The following MDGA2 variants were observed in gnomAD, a reference collection of about 807,000 sequenced individuals.
MDGA2 encodes MAM domain containing glycosylphosphatidylinositol anchor 2.
A neutral mutation model predicts 117.8 loss-of-function variants in MDGA2; 40 were observed. That is an observed-to-expected ratio of 0.34 (90% CI 0.26 to 0.44). The LOEUF is 0.44. Ranked by LOEUF, MDGA2 falls within the 20% of genes least tolerant of loss-of-function variation. MDGA2 has a pLI of 1.00. For synonymous variants in MDGA2, 452 were observed against 439.0 expected (o/e 1.03, Z -0.37); for missense variants, 1,123 against 1,250.6 (o/e 0.90, Z 1.54).
intron 1 of MDGA2, among the ~76,000 whole-genome samples, chr14:47,527,589 G>C (rs1296946328): frequency 6.6e-6 from 1 of 152,216 alleles, no homozygotes; most frequent in East Asian, 1.9e-4. Context: ...GAGTGATGTG[G>C]CGTGAGGTTG....
chr14:47,302,873 G>T (rs1414667538), intron 1 of MDGA2, among the ~76,000 whole-genome samples: 1 of 152,090 alleles, frequency 6.6e-6, no homozygotes, highest in African/African-American at 2.4e-5. Context: ...ACTGGAAGAT[G>T]GAAAAGACCG....
intron 2 of MDGA2, among the ~76,000 whole-genome samples, chr14:47,263,850 C>A (rs1292760415): frequency 6.6e-6 from 1 of 151,966 alleles, no homozygotes. Context: ...CAATTTTTAC[C>A]ATTTTCATAA....
chr14:47,273,394 G>A (rs1419190971), intron 2 of MDGA2, among the ~76,000 whole-genome samples: 1 of 152,068 alleles, frequency 6.6e-6, no homozygotes, highest in Non-Finnish European at 1.5e-5. Flanking sequence ...GTATACTGAG[G>A]CAAGGAAAAG....
intron 1 of MDGA2, among the ~76,000 whole-genome samples, chr14:47,630,171 C>T (rs1897229918): frequency 6.6e-6 from 1 of 151,856 alleles, no homozygotes; most frequent in Admixed American, 6.6e-5. Flanking sequence ...GTCACACAGG[C>T]ACTTAATTGT....
intron 1 of MDGA2, among the ~76,000 whole-genome samples, chr14:47,349,911 G>A (rs1447148255): frequency 6.6e-6 from 1 of 152,168 alleles, no homozygotes; most frequent in East Asian, 1.9e-4. Flanking sequence ...CAGCCAGTGA[G>A]AGGCACTGGC....
At chr14:47,174,325 C>T (rs1041363797) in intron 3 of MDGA2, among the ~76,000 whole-genome samples, 1 of 152,108 alleles carries the variant, frequency 6.6e-6, no homozygotes, top group Admixed American at 6.5e-5. Context: ...AACTCTCCAC[C>T]CCAAATCAAC....
chr14:47,350,293 T>C (rs1428047120), intron 1 of MDGA2, among the ~76,000 whole-genome samples: 1 of 152,172 alleles, frequency 6.6e-6, no homozygotes, highest in Admixed American at 6.6e-5. Context: ...TTCTATATGC[T>C]GCTCTCATTT....
Position 47,339,783 on chromosome 14 carries a change from T to C in MDGA2, c.281-38233A>G, listed in dbSNP as rs77748057. 5.0e-3 allele frequency among the ~76,000 whole-genome samples: 754 copies of C among 152,292 alleles called. 7 individuals carry two copies. The highest frequency in any genetic ancestry group is 0.017 in the African/African-American group (714 of 41,566). On this transcript the variant is annotated intron_variant, in intron 1 of 16. Transcript: ENST00000399232. ...TTCTGAATTACAGAGCCTCGGGGATTCCTGTATAGCAACACAAACAGACTA... is the reference window on the plus strand; with the variant it reads ...TTCTGAATTACAGAGCCTCGGGGATCCCTGTATAGCAACACAAACAGACTA...
chr14:47,435,100 C>A (rs1892871562), intron 1 of MDGA2, among the ~76,000 whole-genome samples: 1 of 152,106 alleles, frequency 6.6e-6, no homozygotes, highest in African/African-American at 2.4e-5. Flanking sequence ...CACGCCACTG[C>A]ACTACATCCT....
At chr14:47,184,096 G>C (rs903605618) in intron 3 of MDGA2, among the ~76,000 whole-genome samples, 3 of 151,856 alleles carry the variant, frequency 2.0e-5, no homozygotes, top group Non-Finnish European at 2.9e-5. Context: ...TAAAATCTAT[G>C]TGTGTGTATG....
intron 7 of MDGA2, among the ~76,000 whole-genome samples, chr14:47,055,779 T>C (rs1889653402): frequency 6.6e-6 from 1 of 152,158 alleles, no homozygotes; most frequent in East Asian, 1.9e-4. Context: ...CCCATTTATT[T>C]ATTGCCTATG....
At chr14:46,872,255 T>A (rs962104211) in intron 14 of MDGA2, among the ~76,000 whole-genome samples, 6 of 151,944 alleles carry the variant, frequency 3.9e-5, no homozygotes, top group Non-Finnish European at 2.9e-5. Context: ...TTGTATTAGT[T>A]TACATCACAT....
At chr14:47,117,700 TTCATAGAA>T (rs1290655132) in intron 5 of MDGA2, among the ~76,000 whole-genome samples, 3 of 152,040 alleles carry the variant, frequency 2.0e-5, no homozygotes, top group African/African-American at 4.8e-5. Context: ...AGTAGTCAAA[TTCATAGAA>T]TCATAGAATC....
At chr14:47,260,405 G>A (rs1470035104) in intron 2 of MDGA2, among the ~76,000 whole-genome samples, 1 of 152,062 alleles carries the variant, frequency 6.6e-6, no homozygotes, top group Non-Finnish European at 1.5e-5. Flanking sequence ...CTTTAAGCAG[G>A]AGGTGGAATC....
intron 1 of MDGA2, among the ~76,000 whole-genome samples, chr14:47,342,256 T>TTATATATATATA (rs10536485): frequency 4.5e-5 from 6 of 134,070 alleles, no homozygotes; most frequent in African/African-American, 1.6e-4. Flanking sequence ...CACAAAATGT[T>TTATATATATATA]TATATATATA....
chr14:47,217,349 C>T (rs567979298), intron 3 of MDGA2, among the ~76,000 whole-genome samples: 1 of 151,596 alleles, frequency 6.6e-6, no homozygotes, highest in Non-Finnish European at 1.5e-5. Context: ...TAAATGTAGG[C>T]CCTTGCTTTG....
chr14:47,240,156 T>A (rs1886992510), intron 2 of MDGA2, among the ~76,000 whole-genome samples: 1 of 151,724 alleles, frequency 6.6e-6, no homozygotes, highest in African/African-American at 2.4e-5. Context: ...GCGATTCTCC[T>A]GCCTCAGCCT....
chr14:47,515,632 A>C (rs1024345957), intron 1 of MDGA2, among the ~76,000 whole-genome samples: 1 of 152,160 alleles, frequency 6.6e-6, no homozygotes, highest in Non-Finnish European at 1.5e-5. Context: ...AACTCTCAGA[A>C]TAATATGCTC....
intron 1 of MDGA2, among the ~76,000 whole-genome samples, chr14:47,433,410 C>A (rs1420147656): frequency 6.6e-6 from 1 of 151,950 alleles, no homozygotes; most frequent in Non-Finnish European, 1.5e-5. Context: ...CAAAACTAAA[C>A]ACATAGAAAA....
Sources: gnomAD v4.1 joint callset for allele counts (sites outside exome capture counted in the v4.1 genomes callset) on GRCh38, gnomAD v4.1.1 for gene constraint, MANE v1.5 for transcripts, NCBI Gene and HGNC (gene_info 2026-07-23, HGNC 2026-07-21) for gene names.